ZFX: variants seen among roughly 807,000 people sequenced by gnomAD.
ZFX encodes the protein zinc finger X-chromosomal protein.
For synonymous variants in ZFX, 196 were observed against 226.8 expected, an observed-to-expected ratio of 0.86 and a Z score of 1.22; for missense variants, 362 against 628.3, an observed-to-expected ratio of 0.58 and a Z score of 4.53.
At chrX:24,205,668 A>G (rs1937544772) in intron 5 of ZFX, among the ~76,000 whole-genome samples, 1 of 111,417 alleles carries the variant, frequency 9.0e-6, no homozygotes, top group African/African-American at 3.3e-5. Context: ...CAGCCTGACC[A>G]ACATGGCGAA....
chrX:24,204,261 C>T (rs1266127808), intron 5 of ZFX, among the ~76,000 whole-genome samples: 1 of 112,349 alleles, frequency 8.9e-6, no homozygotes, highest in African/African-American at 3.2e-5. Flanking sequence ...TGTGGATGGT[C>T]TTGATTCTCA....
At position 24,210,698 on chromosome X, in the gene ZFX, C is replaced by T. The variant is rs141285716; in HGVS notation, c.1740C>T (p.Tyr580=). 1 of 1,209,665 alleles carries T rather than the reference C, an allele frequency of 8.3e-7. No individual in the cohort carries two copies. Among genetic ancestry groups the T allele is most frequent in the African/African-American group, 1.8e-5 (1 of 57,073 alleles). Residue 580 remains tyrosine, a synonymous_variant, in exon 10 of 10, where the codon TAC becomes TAT. Coordinates refer to ENST00000304543, the MANE Select transcript of ZFX (RefSeq NM_003410.4). ...HTGEKPYQCQ[Y]CEYRSADSSN... ...GGGAGAAGCCGTACCAATGCCAGTA[C>T]TGCGAATATAGGTCTGCAGACTCTT...
chrX:24,210,625 G>T lies in ZFX; in HGVS notation c.1667G>T (p.Gly556Val). 8.3e-7 allele frequency: 1 copy of T among 1,211,721 alleles called. No homozygotes were observed. The highest frequency in any genetic ancestry group is 1.1e-6 in the Non-Finnish European group (1 of 895,554). Reference protein sequence around the residue: ...FPHICVECGKGFRHPSELKKH... With the variant: ...FPHICVECGKVFRHPSELKKH... ...CATATTTGTGTGGAGTGTGGTAAGG[G>T]TTTTCGTCACCCGTCAGAGCTCAAA... Residue 556 changes from glycine to valine, a missense_variant, in exon 10 of 10, where the codon GGT becomes GTT. Physicochemically the swap from Gly to Val is moderately radical, Grantham distance 109 (BLOSUM62 -3). Transcript: ENST00000304543.
At chrX:24,155,513 T>G (rs1932735013) in intron 3 of ZFX, among the ~76,000 whole-genome samples, 1 of 112,467 alleles carries the variant, frequency 8.9e-6, no homozygotes, top group South Asian at 3.6e-4. Context: ...TGAACATCCT[T>G]ATACATGGTT....
chrX:24,161,562 A>G (rs1423241112), intron 3 of ZFX, among the ~76,000 whole-genome samples: 2 of 111,843 alleles, frequency 1.8e-5, no homozygotes, highest in African/African-American at 6.5e-5. Flanking sequence ...ATAGAGTCCA[A>G]AAGTTGACCT....
intron 5 of ZFX, among the ~76,000 whole-genome samples, chrX:24,189,243 G>A (rs1403123378): frequency 9.0e-6 from 1 of 111,204 alleles, no homozygotes; most frequent in Non-Finnish European, 1.9e-5. Flanking sequence ...AGGGTTTGCA[G>A]CTCACTTCTT....
chrX:24,188,245 GAA>G (rs1167276065), intron 5 of ZFX, among the ~76,000 whole-genome samples: 1 of 109,822 alleles, frequency 9.1e-6, no homozygotes, highest in East Asian at 2.8e-4. Flanking sequence ...GTTATAAACT[GAA>G]GTTCTATGGA....
intron 5 of ZFX, among the ~76,000 whole-genome samples, chrX:24,190,378 A>G (rs996206111): frequency 4.5e-5 from 5 of 112,164 alleles, no homozygotes; most frequent in Non-Finnish European, 9.4e-5. Context: ...GTAAACTGAA[A>G]TTTATTTAGA....
Position 24,213,378 on chromosome X carries a change from A to G in ZFX, c.*2002A>G, listed in dbSNP as rs1296079300. On this transcript the variant is annotated 3_prime_UTR_variant, in exon 10 of 10. Coordinates refer to ENST00000304543, the MANE Select transcript of ZFX (RefSeq NM_003410.4). The stretch of plus-strand genomic sequence containing the variant: ...TAGGAGATTTAGAAATTGTCTTCCC[A>G]CCCGATAGCTGCCTTGTCACCTCAT... 8.9e-6 allele frequency: 1 copy of G among 111,913 alleles called. No individual in the cohort carries two copies. The highest frequency in any genetic ancestry group is 3.3e-5 in the African/African-American group (1 of 30,498). 9.2% of individuals were successfully genotyped at this position (111,913 alleles called of 1,213,427 possible). A position where few individuals can be genotyped will look rare whatever the true frequency, so the allele number is the denominator to read the frequency against.
chrX:24,199,401 C>T (rs777754727), intron 5 of ZFX, among the ~76,000 whole-genome samples: 1 of 109,600 alleles, frequency 9.1e-6, no homozygotes, highest in African/African-American at 3.3e-5. Flanking sequence ...ACTACAGGTG[C>T]ACACTACCAT....
chrX:24,159,423 A>G (rs1352173655), intron 3 of ZFX, among the ~76,000 whole-genome samples: 4 of 111,827 alleles, frequency 3.6e-5, no homozygotes, highest in Non-Finnish European at 7.5e-5. Context: ...TAAATTGGGG[A>G]GTATTTTTTT....
intron 5 of ZFX, among the ~76,000 whole-genome samples, chrX:24,203,915 C>T (rs1014905507): frequency 2.7e-5 from 3 of 112,433 alleles, no homozygotes; most frequent in Non-Finnish European, 5.6e-5. Flanking sequence ...GAGGGTTCAA[C>T]ATTAATGTCA....
At chrX:24,209,481 T>C (rs1401831766) in intron 9 of ZFX, among the ~76,000 whole-genome samples, 1 of 112,717 alleles carries the variant, frequency 8.9e-6, no homozygotes, top group Admixed American at 9.4e-5. Flanking sequence ...ATTTAAACTT[T>C]GCTGTAAGTT....
intron 3 of ZFX, among the ~76,000 whole-genome samples, chrX:24,160,010 CT>C (rs1933097140): frequency 9.1e-6 from 1 of 109,791 alleles, no homozygotes; most frequent in African/African-American, 3.3e-5. Flanking sequence ...TCCCTGATGA[CT>C]TTTAAAAACC....
At chrX:24,206,042 G>C (rs1937563342) in intron 5 of ZFX, among the ~76,000 whole-genome samples, 1 of 109,097 alleles carries the variant, frequency 9.2e-6, no homozygotes, top group South Asian at 4.0e-4. Flanking sequence ...ATTAATGAGA[G>C]CAATGGGTAT....
intron 3 of ZFX, among the ~76,000 whole-genome samples, chrX:24,163,522 C>G (rs1008892096): frequency 1.9e-5 from 2 of 103,763 alleles, no homozygotes; most frequent in Non-Finnish European, 3.9e-5. Flanking sequence ...GGACTACAGG[C>G]GCGAGCAACC....
chrX:24,183,745 T>C (rs992735281), intron 5 of ZFX, among the ~76,000 whole-genome samples: 3 of 109,076 alleles, frequency 2.8e-5, no homozygotes, highest in Non-Finnish European at 3.8e-5. Context: ...TTTTTTTTTT[T>C]TTAATTTGAG....
intron 3 of ZFX, among the ~76,000 whole-genome samples, chrX:24,153,046 AT>A (rs888045072): frequency 5.4e-5 from 6 of 110,858 alleles, no homozygotes; most frequent in Admixed American, 9.5e-5. Context: ...TGTGTTACAA[AT>A]TTTTTTTTCC....
chrX:24,152,917 C>G (rs1932354192), intron 3 of ZFX, 87 bp downstream of exon 3: 1 of 112,342 alleles, frequency 8.9e-6, no homozygotes. Flanking sequence ...CTTTGGAAAA[C>G]TGACTGGTGG....
Sources: allele counts gnomAD v4.1 joint callset (sites outside exome capture counted in the v4.1 genomes callset), GRCh38; gene constraint gnomAD v4.1.1; transcripts MANE v1.5; gene names NCBI Gene and HGNC (gene_info 2026-07-23, HGNC 2026-07-21).